MIPOL1: variants seen among roughly 807,000 people sequenced by gnomAD.
MIPOL1 encodes mirror-image polydactyly 1.
In MIPOL1, 57 loss-of-function variants were observed where a neutral mutation model predicts 60.9. That is an observed-to-expected ratio of 0.94 (90% CI 0.76 to 1.17). The LOEUF is 1.17. MIPOL1 is among the 50% of genes most tolerant of loss of function. The probability of loss-of-function intolerance (pLI) is 0.00; values close to 1 mark genes in which losing one functional copy is unlikely to be tolerated. For missense variants in MIPOL1, 551 were observed against 511.6 expected (o/e 1.08, Z -0.74); for synonymous variants, 179 against 168.8 (o/e 1.06, Z -0.47).
intron 1 of MIPOL1, among the ~76,000 whole-genome samples, chr14:37,243,733 C>G (rs1267636354): frequency 6.6e-6 from 1 of 152,048 alleles, no homozygotes; most frequent in Non-Finnish European, 1.5e-5. Flanking sequence ...TTTTAAAATC[C>G]TGGATACTGT....
At chr14:37,264,051 C>T (rs1256632967) in intron 3 of MIPOL1, among the ~76,000 whole-genome samples, 1 of 152,092 alleles carries the variant, frequency 6.6e-6, no homozygotes, top group African/African-American at 2.4e-5. Context: ...CAAATAAGCT[C>T]AGCTAAAGCT....
intron 9 of MIPOL1, among the ~76,000 whole-genome samples, chr14:37,343,515 G>T (rs1225968071): frequency 6.6e-6 from 1 of 152,088 alleles, no homozygotes; most frequent in Non-Finnish European, 1.5e-5. Flanking sequence ...TATTATTTTT[G>T]TCTGCAAAGG....
chr14:37,336,761 T>C (rs758815060), intron 9 of MIPOL1, among the ~76,000 whole-genome samples: 14 of 151,942 alleles, frequency 9.2e-5, no homozygotes, highest in Non-Finnish European at 1.9e-4. Context: ...TTTAAAAATT[T>C]TTTTATTTTT....
At chr14:37,250,259 G>A (rs1973869094) in intron 3 of MIPOL1, among the ~76,000 whole-genome samples, 1 of 152,070 alleles carries the variant, frequency 6.6e-6, no homozygotes, top group Admixed American at 6.6e-5. Context: ...AACATTATTA[G>A]GAAAAAGGTC....
At chr14:37,271,224 A>C (rs930672063) in intron 6 of MIPOL1, among the ~76,000 whole-genome samples, 1 of 152,074 alleles carries the variant, frequency 6.6e-6, no homozygotes, top group Non-Finnish European at 1.5e-5. Flanking sequence ...CTGTGAATGT[A>C]TCTCTCACAT....
chr14:37,276,188 C>T (rs983290826), intron 6 of MIPOL1: 1 of 151,010 alleles, frequency 6.6e-6, no homozygotes, highest in Non-Finnish European at 1.5e-5. Context: ...CTTACTTGTA[C>T]TGATGATGCA....
At chr14:37,400,649 G>A (rs1480321475) in intron 10 of MIPOL1, 1 of 151,848 alleles carries the variant, frequency 6.6e-6, no homozygotes, top group Non-Finnish European at 1.5e-5. Context: ...TAGAGAAGAA[G>A]CAATGGAATG....
rs531595194 is a variant in MIPOL1 at position 37,466,648 on chromosome 14, T to C, written c.1032-33260T>C. 6.5e-4 allele frequency among the ~76,000 whole-genome samples: 99 copies of C among 152,244 alleles called. 1 individual carries two copies. The South Asian group carries it at 0.015, about 23-fold the overall frequency. On this transcript the variant is annotated intron_variant, in intron 11 of 12. Coordinates refer to ENST00000684589, the MANE Select transcript of MIPOL1 (RefSeq NM_001388067.1). ...TAGAGCACTCTACATTCTTGTCAAA[T>C]CTTTTCGCTGAAGATGACCTGAAAA...
chr14:37,235,757 TG>T (rs1181658504), intron 1 of MIPOL1, among the ~76,000 whole-genome samples: 1 of 152,088 alleles, frequency 6.6e-6, no homozygotes, highest in Non-Finnish European at 1.5e-5. Context: ...GCCCCTCCCC[TG>T]GCTCCTGATA....
chr14:37,337,894 C>T (rs1427130108), intron 9 of MIPOL1, among the ~76,000 whole-genome samples: 1 of 151,626 alleles, frequency 6.6e-6, no homozygotes, highest in Non-Finnish European at 1.5e-5. Context: ...TGATAAAATC[C>T]AATTTATTTT....
chr14:37,335,431 A>G (rs1008350723), intron 9 of MIPOL1, among the ~76,000 whole-genome samples: 7 of 152,048 alleles, frequency 4.6e-5, no homozygotes, highest in African/African-American at 1.4e-4. Context: ...GCCCCTGACA[A>G]CTTCACCCCT....
In MIPOL1 at chr14:37,499,944, G is replaced by C; in HGVS notation, c.1068G>C (p.Lys356Asn). The stretch of plus-strand genomic sequence containing the variant: ...CTTTATCTCAAGAAGAAAATCTGAA[G>C]GATCAGTTTAACTATACCCTTAGTA... The part of the protein sequence containing the change: ...HKSLSQEENL[K>N]DQFNYTLSTY... The change falls in exon 12 of 13, where the codon AAG (lysine) becomes AAC (asparagine). Residue 356 changes from lysine to asparagine, a missense_variant. Lys to Asn is a moderately conservative substitution (Grantham distance 94). Transcript: ENST00000684589. 17 of 1,592,616 alleles carry C rather than the reference G, an allele frequency of 1.1e-5. No homozygotes were observed. Among genetic ancestry groups the C allele is most frequent in the Non-Finnish European group, 1.5e-5 (17 of 1,169,058 alleles).
chr14:37,434,962 G>A (rs975120297), intron 11 of MIPOL1, among the ~76,000 whole-genome samples: 16 of 151,598 alleles, frequency 1.1e-4, no homozygotes, highest in African/African-American at 2.4e-4. Context: ...ACCATCACAC[G>A]TGCATTTCAA....
intron 10 of MIPOL1, among the ~76,000 whole-genome samples, chr14:37,395,426 C>T (rs1200456355): frequency 1.3e-5 from 2 of 152,078 alleles, no homozygotes; most frequent in Admixed American, 6.6e-5. Flanking sequence ...TGATTTCTTT[C>T]AGCAGTGTTT....
intron 11 of MIPOL1, 78 bp from the exon 12 acceptor site, chr14:37,499,830 T>C: frequency 1.6e-6 from 1 of 620,862 alleles, no homozygotes; most frequent in East Asian, 2.9e-5. Flanking sequence ...AGATTCTAAA[T>C]GGAGGTTTTT....
intron 11 of MIPOL1, among the ~76,000 whole-genome samples, chr14:37,485,343 T>C (rs531795896): frequency 1.3e-5 from 2 of 152,338 alleles, no homozygotes; most frequent in South Asian, 4.1e-4. Flanking sequence ...TTTGGGTATA[T>C]ACCCAGTAAT....
chr14:37,463,398 T>C (rs1454722819), intron 11 of MIPOL1, among the ~76,000 whole-genome samples: 1 of 151,958 alleles, frequency 6.6e-6, no homozygotes, highest in Non-Finnish European at 1.5e-5. Flanking sequence ...TCAGTACAGA[T>C]AGAAAAATAG....
intron 9 of MIPOL1, among the ~76,000 whole-genome samples, chr14:37,350,519 A>G (rs779602941): frequency 4.6e-5 from 7 of 151,840 alleles, no homozygotes; most frequent in Non-Finnish European, 8.8e-5. Context: ...GTGTTTTGAT[A>G]TAGGCATGCA....
chr14:37,393,014 A>G (rs1490365922), intron 10 of MIPOL1, among the ~76,000 whole-genome samples: 1 of 152,084 alleles, frequency 6.6e-6, no homozygotes, highest in Non-Finnish European at 1.5e-5. Flanking sequence ...ACCTAATCCA[A>G]TGACTGGTGT....
Sources: allele counts gnomAD v4.1 joint callset (sites outside exome capture counted in the v4.1 genomes callset), GRCh38; gene constraint gnomAD v4.1.1; transcripts MANE v1.5; gene names NCBI Gene and HGNC (gene_info 2026-07-23, HGNC 2026-07-21).